HDAC8: variants seen among roughly 807,000 people sequenced by gnomAD.
HDAC8 encodes the protein histone deacetylase-like 1.
A neutral mutation model predicts 32.2 loss-of-function variants in HDAC8; 1 was observed. The ratio of observed to expected loss-of-function variants is 0.03; its 90% CI spans 0.01 to 0.15. The LOEUF (loss-of-function observed/expected upper bound fraction) is 0.15. HDAC8 is among the 10% of genes least tolerant of loss of function. The probability of loss-of-function intolerance (pLI) is 1.00; values close to 1 mark genes in which losing one functional copy is unlikely to be tolerated. For missense variants in HDAC8, 117 were observed against 300.0 expected (o/e 0.39, Z 4.51); for synonymous variants, 108 against 113.9 (o/e 0.95, Z 0.33).
chrX:72,502,765 A>G (rs1265875477), intron 4 of HDAC8, among the ~76,000 whole-genome samples: 1 of 109,613 alleles, frequency 9.1e-6, no homozygotes, highest in Non-Finnish European at 1.9e-5. Flanking sequence ...TACTAAAAAT[A>G]CGAAAAAAAA....
intron 9 of HDAC8, among the ~76,000 whole-genome samples, chrX:72,394,653 T>C (rs923229229): frequency 8.0e-5 from 9 of 111,910 alleles, no homozygotes; most frequent in Admixed American, 1.9e-4. Flanking sequence ...AGTGCGTGGG[T>C]AAGCACTTTG....
chrX:72,482,614 T>A (rs1417571658), intron 7 of HDAC8, among the ~76,000 whole-genome samples: 1 of 109,039 alleles, frequency 9.2e-6, no homozygotes, highest in Non-Finnish European at 1.9e-5. Context: ...GGGGGGGGGA[T>A]TTTCTGCAAT....
intron 4 of HDAC8, among the ~76,000 whole-genome samples, chrX:72,504,400 A>G (rs1265944061): frequency 9.0e-6 from 1 of 111,637 alleles, no homozygotes; most frequent in Non-Finnish European, 1.9e-5. Flanking sequence ...CCTATTTTGG[A>G]TATTTTATAT....
intron 4 of HDAC8, among the ~76,000 whole-genome samples, chrX:72,548,858 T>C (rs782466472): frequency 9.0e-6 from 1 of 111,521 alleles, no homozygotes; most frequent in South Asian, 3.8e-4. Context: ...TTTGTAGAGA[T>C]GGAGTCTCAC....
intron 10 of HDAC8, chrX:72,351,323 C>T (rs1164659700): frequency 1.1e-5 from 2 of 174,325 alleles, no homozygotes; most frequent in African/African-American, 6.2e-5. Context: ...TGGTTTTGAA[C>T]TCCTGGGCTC....
At chrX:72,389,389 T>A (rs782367722) in intron 9 of HDAC8, among the ~76,000 whole-genome samples, 2 of 112,183 alleles carry the variant, frequency 1.8e-5, no homozygotes, top group African/African-American at 6.5e-5. Flanking sequence ...TGATCCGGTA[T>A]TTTCAAAGGC....
At chrX:72,372,399 G>C (rs782500785) in intron 9 of HDAC8, among the ~76,000 whole-genome samples, 1 of 111,252 alleles carries the variant, frequency 9.0e-6, no homozygotes, top group Non-Finnish European at 1.9e-5. Flanking sequence ...TAGAGAGTAT[G>C]TCTTTTTTAT....
At chrX:72,558,119 G>A (rs2051347014) in intron 4 of HDAC8, among the ~76,000 whole-genome samples, 2 of 111,875 alleles carry the variant, frequency 1.8e-5, no homozygotes, top group Admixed American at 1.9e-4. Flanking sequence ...ACAAAAAAGT[G>A]CACAGGACCA....
intron 9 of HDAC8, among the ~76,000 whole-genome samples, chrX:72,445,563 C>G (rs1214623965): frequency 1.6e-4 from 18 of 112,038 alleles, no homozygotes; most frequent in Non-Finnish European, 3.4e-4. Flanking sequence ...AATGTTAGAG[C>G]TAAAACCATA....
chrX:72,537,926 C>A (rs1397497772), intron 4 of HDAC8, among the ~76,000 whole-genome samples: 6 of 111,578 alleles, frequency 5.4e-5, no homozygotes, highest in African/African-American at 2.0e-4. Context: ...CCACTGAATT[C>A]TAGCAAAGAC....
chrX:72,438,407 T>C, intron 9 of HDAC8, among the ~76,000 whole-genome samples: 1 of 111,954 alleles, frequency 8.9e-6, no homozygotes. Flanking sequence ...GTAAAAAGGC[T>C]GAGAATTCAA....
Position 72,351,852 on chromosome X carries a change from G to T in HDAC8, c.1006-14C>A. On this transcript the variant is annotated splice_polypyrimidine_tract_variant and intron_variant, in intron 9 of 10. Coordinates refer to ENST00000373573, the MANE Select transcript of HDAC8 (RefSeq NM_018486.3). The stretch of plus-strand genomic sequence containing the variant: ...TGCTGTGAAAAACTGTAAGGAAAAG[G>T]GAAAGGCCAAAAAACAAATTAAGCC... The T allele has an allele frequency of 1.7e-6, 2 of 1,143,629 alleles. No homozygotes were observed. Among genetic ancestry groups the T allele is most frequent in the Non-Finnish European group, 1.2e-6 (1 of 838,052 alleles). 94.2% of individuals were successfully genotyped at this position (1,143,629 alleles called of 1,213,427 possible). A position where few individuals can be genotyped will look rare whatever the true frequency, so the allele number is the denominator to read the frequency against.
intron 9 of HDAC8, among the ~76,000 whole-genome samples, chrX:72,364,830 A>G (rs781886668): frequency 1.8e-5 from 2 of 111,385 alleles, no homozygotes; most frequent in South Asian, 7.7e-4. Flanking sequence ...ACAAAAAAAG[A>G]CCCCCGAAAT....
chrX:72,370,513 A>G (rs2044840491), intron 9 of HDAC8, among the ~76,000 whole-genome samples: 1 of 111,647 alleles, frequency 9.0e-6, no homozygotes, highest in South Asian at 3.9e-4. Context: ...GGCATGTGGC[A>G]CCACACCTGG....
rs781952146 is a variant in HDAC8 at position 72,411,990 on chromosome X, G to A, written c.1005+50014C>T. On this transcript the variant is annotated intron_variant, in intron 9 of 10. Coordinates refer to ENST00000373573, the MANE Select transcript of HDAC8 (RefSeq NM_018486.3). ...CAAGAAACTAGAAATATGGGATAAG[G>A]ATGTACAAATGATAATAAAAGACAG... Among the ~76,000 whole-genome samples the A allele has an allele frequency of 2.7e-5, 3 of 112,132 alleles. No individual in the cohort carries two copies. The South Asian group carries it at 1.1e-3, about 42-fold the overall frequency.
chrX:72,438,525 G>A (rs2047020504), intron 9 of HDAC8, among the ~76,000 whole-genome samples: 1 of 111,541 alleles, frequency 9.0e-6, no homozygotes, highest in Non-Finnish European at 1.9e-5. Flanking sequence ...CAAGCTAAAG[G>A]AGCATGTTCT....
chrX:72,545,824 A>G (rs2050845237), intron 4 of HDAC8, among the ~76,000 whole-genome samples: 1 of 112,344 alleles, frequency 8.9e-6, no homozygotes, highest in Non-Finnish European at 1.9e-5. Flanking sequence ...TAGCAAGTAC[A>G]GAGACATGCC....
chrX:72,482,545 G>A (rs2048539544), intron 7 of HDAC8, among the ~76,000 whole-genome samples: 1 of 111,220 alleles, frequency 9.0e-6, no homozygotes, highest in African/African-American at 3.3e-5. Context: ...CAAATACAAT[G>A]GATTGCATAT....
intron 7 of HDAC8, among the ~76,000 whole-genome samples, chrX:72,485,192 T>C (rs782231839): frequency 1.8e-5 from 2 of 111,794 alleles, no homozygotes; most frequent in South Asian, 7.5e-4. Context: ...CAGAGCAATG[T>C]TGATGATGTT....
Sources: allele counts gnomAD v4.1 joint callset (sites outside exome capture counted in the v4.1 genomes callset), GRCh38; gene constraint gnomAD v4.1.1; transcripts MANE v1.5; gene names NCBI Gene and HGNC (gene_info 2026-07-23, HGNC 2026-07-21).